The following TCEANC2 variants were observed in gnomAD, a reference collection of about 807,000 sequenced individuals.
TCEANC2 encodes the protein transcription elongation factor A N-terminal and central domain containing 2.
Under a neutral mutation model 22.8 loss-of-function variants are expected in TCEANC2, and 20 were observed. That is an observed-to-expected ratio of 0.88 (90% confidence interval 0.62 to 1.28). TCEANC2 has a LOEUF of 1.28. Among genes scored for constraint, TCEANC2 ranks in the 50% most tolerant of loss-of-function variants. The probability of loss-of-function intolerance (pLI) is 0.00; values close to 1 mark genes in which losing one functional copy is unlikely to be tolerated. For missense variants in TCEANC2, 251 were observed against 249.7 expected, an observed-to-expected ratio of 1.01 and a Z score of -0.03; for synonymous variants, 84 against 95.5, an observed-to-expected ratio of 0.88 and a Z score of 0.70.
chr1:54,110,737 T>G (rs1658825839), downstream of TCEANC2, among the ~76,000 whole-genome samples: 1 of 152,138 alleles, frequency 6.6e-6, no homozygotes, highest in Non-Finnish European at 1.5e-5. Context: ...ACCATCTCCA[T>G]CTTTGTCCTA....
At chr1:54,110,637 A>G (rs1012771004), downstream of TCEANC2, among the ~76,000 whole-genome samples, 1 of 152,010 alleles carries the variant, frequency 6.6e-6, no homozygotes, top group Non-Finnish European at 1.5e-5. Flanking sequence ...CAAAAAAACA[A>G]CACAACCTTC....
In TCEANC2 at chr1:54,096,574, G is replaced by A; in HGVS notation, c.*101G>A. On this transcript the variant is annotated 3_prime_UTR_variant, in exon 5 of 5. Coordinates refer to ENST00000234827, the MANE Select transcript of TCEANC2 (RefSeq NM_153035.3). This position sits in a 1 kb window ranked among gnomAD's most constrained non-coding sequence, Gnocchi z 4.9. ...GTTTGGGTGATGGCTGATGCTGGCTGTGCTAGATTTTCCCATGGTGCCGTT... is the reference window on the plus strand; with the variant it reads ...GTTTGGGTGATGGCTGATGCTGGCTATGCTAGATTTTCCCATGGTGCCGTT... The A allele has an allele frequency of 6.9e-7, 1 of 1,458,716 alleles. No individual in the cohort carries two copies. Among genetic ancestry groups the A allele is most frequent in the Non-Finnish European group, 9.1e-7 (1 of 1,100,448 alleles). 90.4% of individuals were successfully genotyped at this position (1,458,716 alleles called of 1,614,324 possible).
chr1:54,095,138 G>A (rs544597208), intron 4 of TCEANC2, among the ~76,000 whole-genome samples: 1 of 152,180 alleles, frequency 6.6e-6, no homozygotes, highest in Non-Finnish European at 1.5e-5. Flanking sequence ...GAGTGAGACA[G>A]TATCTGTAAA....
chr1:54,083,890 T>C (rs1260189518), intron 3 of TCEANC2, among the ~76,000 whole-genome samples: 3 of 152,220 alleles, frequency 2.0e-5, no homozygotes, highest in East Asian at 1.9e-4. Context: ...TATACACATA[T>C]GTAGTTTTAA....
chr1:54,109,177 G>A (rs913898557), downstream of TCEANC2, among the ~76,000 whole-genome samples: 11 of 152,212 alleles, frequency 7.2e-5, no homozygotes, highest in Admixed American at 2.0e-4. Flanking sequence ...GGCCTGGCCC[G>A]GAGGGTATCA....
At position 54,103,745 on chromosome 1, in the gene TCEANC2, T is replaced by C. The variant is rs1251260465; in HGVS notation, c.*7272T>C. 6.6e-6 allele frequency: 1 copy of C among 152,216 alleles called. No individual in the cohort carries two copies. Among genetic ancestry groups the C allele is most frequent in the Non-Finnish European group, 1.5e-5 (1 of 68,040 alleles). The allele number at this position is 152,216 out of a possible 1,614,324, so 9.4% of individuals were successfully genotyped here. A position where few individuals can be genotyped will look rare whatever the true frequency, so the allele number is the denominator to read the frequency against. On this transcript the variant is annotated 3_prime_UTR_variant, in exon 5 of 5. Transcript: ENST00000234827. ...CAGCAGCCACTTGGGAAGTTGGCTATATTAAACCCTGTCTACCCTGGAAAG... is the reference window on the plus strand; with the variant it reads ...CAGCAGCCACTTGGGAAGTTGGCTACATTAAACCCTGTCTACCCTGGAAAG...
At chr1:54,108,015 T>G (rs1014589206), downstream of TCEANC2, among the ~76,000 whole-genome samples, 6 of 152,354 alleles carry the variant, frequency 3.9e-5, no homozygotes, top group African/African-American at 1.4e-4. Context: ...AATGGTTATC[T>G]TCTTTTATTT....
chr1:54,077,392 C>T (rs1217139298), intron 3 of TCEANC2, among the ~76,000 whole-genome samples: 1 of 151,954 alleles, frequency 6.6e-6, no homozygotes, highest in East Asian at 1.9e-4. Context: ...AAAAGCATTC[C>T]AAGCTGTCTT....
At chr1:54,108,875 G>A (rs1658798836), downstream of TCEANC2, among the ~76,000 whole-genome samples, 1 of 152,188 alleles carries the variant, frequency 6.6e-6, no homozygotes, top group Non-Finnish European at 1.5e-5. Context: ...GGGAGGCTGA[G>A]GCAGGAGAAT....
intron 2 of TCEANC2, among the ~76,000 whole-genome samples, chr1:54,067,377 G>A (rs900113798): frequency 5.9e-5 from 9 of 152,206 alleles, no homozygotes; most frequent in African/African-American, 2.2e-4. Flanking sequence ...TGGATGGCTG[G>A]CAGAAGGAGA....
At position 54,099,628 on chromosome 1, in the gene TCEANC2, CA is replaced by C. The variant is rs1222006158; in HGVS notation, c.*3156del. 4.0e-5 allele frequency: 6 copies of C among 151,642 alleles called. No homozygotes were observed. The highest frequency in any genetic ancestry group is 2.9e-5 in the Non-Finnish European group (2 of 67,980). The allele number at this position is 151,642 out of a possible 1,614,324, so 9.4% of individuals were successfully genotyped here. A position where few individuals can be genotyped will look rare whatever the true frequency, so the allele number is the denominator to read the frequency against. ...ATATGATGGCAGGCGCCTGTAATCC[CA>C]GCTACTTGGAAGGCTGAGGTATGAG... On this transcript the variant is annotated 3_prime_UTR_variant, in exon 5 of 5. Coordinates refer to ENST00000234827, the MANE Select transcript of TCEANC2 (RefSeq NM_153035.3).
Position 54,096,859 on chromosome 1 carries a change from A to G in TCEANC2, c.*386A>G, listed in dbSNP as rs901324862. 1 of 993,808 alleles carries G rather than the reference A, an allele frequency of 1.0e-6. No individual in the cohort carries two copies. The highest frequency in any genetic ancestry group is 1.2e-6 in the Non-Finnish European group (1 of 835,144). 61.6% of individuals were successfully genotyped at this position (993,808 alleles called of 1,614,324 possible). A position where few individuals can be genotyped will look rare whatever the true frequency, so the allele number is the denominator to read the frequency against. On this transcript the variant is annotated 3_prime_UTR_variant, in exon 5 of 5. Coordinates refer to ENST00000234827, the MANE Select transcript of TCEANC2 (RefSeq NM_153035.3). This position sits in a 1 kb window ranked among gnomAD's most constrained non-coding sequence, Gnocchi z 4.9. ...CCACCCTGCAGGTAACTGAAACTCAATTACCGCTGCCGCTCACTCGGTTCC... is the reference window on the plus strand; with the variant it reads ...CCACCCTGCAGGTAACTGAAACTCAGTTACCGCTGCCGCTCACTCGGTTCC...
intron 3 of TCEANC2, among the ~76,000 whole-genome samples, chr1:54,085,631 C>T (rs1469394760): frequency 1.3e-5 from 2 of 152,108 alleles, no homozygotes; most frequent in Non-Finnish European, 2.9e-5. Flanking sequence ...GCATTTTATA[C>T]TCTTGCTCAG....
chr1:54,058,865 C>T (rs1016621160), intron 2 of TCEANC2, among the ~76,000 whole-genome samples: 16 of 152,134 alleles, frequency 1.1e-4, no homozygotes, highest in Non-Finnish European at 2.2e-4. Flanking sequence ...CTATTTTGGC[C>T]AGGCTGGTCT....
intron 2 of TCEANC2, among the ~76,000 whole-genome samples, chr1:54,065,677 C>T (rs980231816): frequency 1.3e-5 from 2 of 152,006 alleles, no homozygotes; most frequent in East Asian, 1.9e-4. Context: ...CTCACCACTG[C>T]ACTCCAGCCT....
At chr1:54,108,551 T>G (rs369373677), downstream of TCEANC2, among the ~76,000 whole-genome samples, 1 of 152,200 alleles carries the variant, frequency 6.6e-6, no homozygotes, top group African/African-American at 2.4e-5. Context: ...CCAAACCCAC[T>G]GACACCTTGA....
chr1:54,081,517 G>T (rs1286979370), intron 3 of TCEANC2, among the ~76,000 whole-genome samples: 1 of 152,108 alleles, frequency 6.6e-6, no homozygotes, highest in Non-Finnish European at 1.5e-5. Flanking sequence ...CAAAGTGCTG[G>T]GATTACAGGC....
intron 2 of TCEANC2, among the ~76,000 whole-genome samples, chr1:54,064,967 C>T (rs1469484262): frequency 6.6e-6 from 1 of 151,982 alleles, no homozygotes; most frequent in Non-Finnish European, 1.5e-5. Context: ...CCCATAGTGC[C>T]GGGATTACAG....
At chr1:54,073,302 T>A (rs1658091310) in intron 3 of TCEANC2, among the ~76,000 whole-genome samples, 1 of 152,188 alleles carries the variant, frequency 6.6e-6, no homozygotes, top group Non-Finnish European at 1.5e-5. Context: ...TGGGGCTAAA[T>A]TGAGAAGCTT....
Sources: gnomAD v4.1 joint callset for allele counts (sites outside exome capture counted in the v4.1 genomes callset) on GRCh38, gnomAD v4.1.1 for gene constraint, Gnocchi (gnomAD v3.1) non-coding constraint, MANE v1.5 for transcripts, NCBI Gene and HGNC (gene_info 2026-07-23, HGNC 2026-07-21) for gene names.